ERAP1: variants seen among roughly 807,000 people sequenced by gnomAD.
ERAP1 encodes the protein endoplasmic reticulum aminopeptidase 1.
ERAP1 carries 86 observed loss-of-function variants against 103.7 expected under a neutral mutation model. The observed-to-expected ratio is 0.83, with a 90% CI of 0.70 to 0.99. The LOEUF (loss-of-function observed/expected upper bound fraction) is 0.99, where lower values mean the gene tolerates loss of function less well. Ranked by LOEUF, ERAP1 falls within the 50% of genes least tolerant of loss-of-function variation. The pLI is 0.00. For synonymous variants in ERAP1, 398 were observed against 402.4 expected, an observed-to-expected ratio of 0.99 and a Z score of 0.13; for missense variants, 1,009 against 1,128.4, an observed-to-expected ratio of 0.89 and a Z score of 1.52.
At position 96,781,815 on chromosome 5, in the gene ERAP1, C is replaced by T. The variant is rs535389378; in HGVS notation, c.2325G>A (p.Gly775=). The T allele has an allele frequency of 4.3e-6, 7 of 1,613,880 alleles. No homozygotes were observed. The highest frequency in any genetic ancestry group is 2.2e-5 in the East Asian group (1 of 44,894). Reference sequence around the variant, plus strand: ...AATCCCAGCCTTCTGTGCTCTGGGCCCCCACAGCAAACACTGCCAAGGTCA... The same window carrying T: ...AATCCCAGCCTTCTGTGCTCTGGGCTCCCACAGCAAACACTGCCAAGGTCA... The part of the protein sequence containing the change: ...VDVTLAVFAV[G]AQSTEGWDFL... The change falls in exon 16 of 19, where the codon GGG becomes GGA. Residue 775 remains glycine, a synonymous_variant. Coordinates refer to ENST00000443439, the MANE Select transcript of ERAP1 (RefSeq NM_001040458.3).
chr5:96,919,295 A>T, the ERAP1 span: 1 of 152,326 alleles, frequency 6.6e-6, no homozygotes, highest in Non-Finnish European at 1.5e-5. Context: ...TTGTTTTCAG[A>T]TCATTTCATG....
chr5:96,798,632 C>T (rs910193350), intron 3 of ERAP1, among the ~76,000 whole-genome samples: 38 of 150,648 alleles, frequency 2.5e-4, no homozygotes, highest in Non-Finnish European at 1.5e-5. Context: ...CCTGGCTGGT[C>T]TTGGACTCCT....
At chr5:96,765,460 G>GA in intron 19 of ERAP1, 1 of 592,116 alleles carries the variant, frequency 1.7e-6, no homozygotes, top group Non-Finnish European at 3.0e-6. Context: ...TAATGAAATA[G>GA]AAAAATCAAT....
the ERAP1 span, among the ~76,000 whole-genome samples, chr5:96,890,485 C>T: frequency 6.6e-6 from 1 of 152,152 alleles, no homozygotes; most frequent in African/African-American, 2.4e-5. Flanking sequence ...TACTGGTCCG[C>T]AGCCCTAGGG....
the ERAP1 span, among the ~76,000 whole-genome samples, chr5:96,821,986 A>G: frequency 0.66 from 100,382 of 152,010 alleles, 33,648 homozygotes; most frequent in Non-Finnish European, 0.72. Context: ...ATTTAAAAGC[A>G]ATCATGGAGG....
the ERAP1 span, among the ~76,000 whole-genome samples, chr5:96,925,608 G>A: frequency 6.6e-6 from 1 of 152,300 alleles, no homozygotes; most frequent in Admixed American, 6.5e-5. Flanking sequence ...TTGAAATTTC[G>A]GGGAACAATG....
the ERAP1 span, chr5:96,913,452 G>C: frequency 1.2e-6 from 2 of 1,613,870 alleles, no homozygotes; most frequent in Non-Finnish European, 1.7e-6. Flanking sequence ...CCCATCTTCT[G>C]AAAAAGTTGG....
chr5:96,866,833 A>G, the ERAP1 span, among the ~76,000 whole-genome samples: 1 of 152,132 alleles, frequency 6.6e-6, no homozygotes, highest in Non-Finnish European at 1.5e-5. Context: ...TTTACTCTAT[A>G]AATAAACCAT....
chr5:96,826,291 C>G, the ERAP1 span, among the ~76,000 whole-genome samples: 3 of 152,202 alleles, frequency 2.0e-5, 1 homozygote, highest in South Asian at 4.1e-4. Flanking sequence ...CCACTGTCCC[C>G]GTTCCCTCAA....
chr5:96,771,894 A>G (rs1772508855), downstream of ERAP1: 1 of 419,422 alleles, frequency 2.4e-6, no homozygotes, highest in Admixed American at 4.2e-5. Context: ...TGAGTTTGCT[A>G]TTGAAATGTT....
At chr5:96,836,426 T>A in the ERAP1 span, among the ~76,000 whole-genome samples, 1 of 152,182 alleles carries the variant, frequency 6.6e-6, no homozygotes, top group Non-Finnish European at 1.5e-5. Context: ...GGTCTCGAAC[T>A]CCTGACCTCA....
chr5:96,798,353 C>T (rs910399035), intron 3 of ERAP1, among the ~76,000 whole-genome samples: 2 of 145,556 alleles, frequency 1.4e-5, no homozygotes, highest in South Asian at 4.3e-4. Context: ...AGATTTGCTT[C>T]ATTTGCTTCA....
the ERAP1 span, among the ~76,000 whole-genome samples, chr5:96,879,070 G>T: frequency 1.1e-4 from 16 of 152,022 alleles, no homozygotes; most frequent in Non-Finnish European, 1.9e-4. Flanking sequence ...TACAAAAAAG[G>T]TAGCCGAGTG....
the ERAP1 span, among the ~76,000 whole-genome samples, chr5:96,816,834 A>G: frequency 1.3e-5 from 2 of 152,186 alleles, no homozygotes; most frequent in South Asian, 4.1e-4. Flanking sequence ...CCTTTTGCTT[A>G]ATAAATTTTA....
the ERAP1 span, chr5:96,915,727 T>G: frequency 3.1e-6 from 5 of 1,600,156 alleles, no homozygotes; most frequent in Non-Finnish European, 4.3e-6. Flanking sequence ...TGATCATCTC[T>G]GGCACAACAG....
chr5:96,841,134 C>T, the ERAP1 span, among the ~76,000 whole-genome samples: 3 of 152,196 alleles, frequency 2.0e-5, no homozygotes, highest in Admixed American at 2.0e-4. Context: ...GGGCATATGT[C>T]ATGTCTCCTA....
chr5:96,865,863 T>C, the ERAP1 span, among the ~76,000 whole-genome samples: 1 of 152,208 alleles, frequency 6.6e-6, no homozygotes. Context: ...GGTGCAATAC[T>C]GTCTTCCAAA....
chr5:96,800,963 T>C lies in ERAP1; in HGVS notation c.562A>G (p.Arg188Gly), dbSNP rs1777924137. Reference sequence around the variant, plus strand: ...TCATCAAAGCAGGGAAAGGCCATTCTAGCTGCAGTGGGTTCAAATTGTGTT... The same window carrying C: ...TCATCAAAGCAGGGAAAGGCCATTCCAGCTGCAGTGGGTTCAAATTGTGTT... ...ASTQFEPTAA[R>G]MAFPCFDEPA... Residue 188 changes from arginine to glycine, a missense_variant, in exon 3 of 19, where the codon AGA (arginine) becomes GGA (glycine). Around this residue, in one of 3 missense-constraint regions of ERAP1, gnomAD observed 392 missense variants for 455.2 expected, o/e 0.86. Transcript: ENST00000443439. 1 of 1,614,192 alleles carries C rather than the reference T, an allele frequency of 6.2e-7. No homozygotes were observed. The highest frequency in any genetic ancestry group is 2.2e-5 in the East Asian group (1 of 44,878).
In ERAP1 at chr5:96,797,163, T is replaced by C; in HGVS notation, c.798+12A>G. 6.2e-7 allele frequency: 1 copy of C among 1,614,030 alleles called. No individual in the cohort carries two copies. Among genetic ancestry groups the C allele is most frequent in the South Asian group, 1.1e-5 (1 of 91,082 alleles). ...ACAAGCTGGTCACCATATGTGACAG[T>C]CATAGGCTCACCTTGACTCCACTCT... On this transcript the variant is annotated intron_variant, in intron 4 of 18. Coordinates refer to ENST00000443439, the MANE Select transcript of ERAP1 (RefSeq NM_001040458.3).
Sources: allele counts gnomAD v4.1 joint callset (sites outside exome capture counted in the v4.1 genomes callset), GRCh38; gene constraint gnomAD v4.1.1; regional missense constraint gnomAD v4.1.1; transcripts MANE v1.5; gene names NCBI Gene and HGNC (gene_info 2026-07-23, HGNC 2026-07-21).